KCTD1: variants seen among roughly 807,000 people sequenced by gnomAD.
KCTD1 encodes the protein BTB/POZ domain-containing protein KCTD1.
In KCTD1, 24 loss-of-function variants were observed where a neutral mutation model predicts 66.0. The observed-to-expected ratio is 0.36, with a 90% CI of 0.26 to 0.51. KCTD1 has a LOEUF of 0.51. Among genes scored for constraint, KCTD1 ranks in the 20% least tolerant of loss-of-function variants. KCTD1 has a pLI of 0.95. For synonymous variants in KCTD1, 511 were observed against 517.2 expected (o/e 0.99, Z 0.16); for missense variants, 943 against 1,205.2 (o/e 0.78, Z 3.22).
rs545461578 is a variant in KCTD1 at position 26,468,503 on chromosome 18, C to T, written c.2133+8012G>A. Among the ~76,000 whole-genome samples, 10 of 152,224 alleles carry T rather than the reference C, an allele frequency of 6.6e-5. No homozygotes were observed. The highest frequency in any genetic ancestry group is 1.9e-4 in the African/African-American group (8 of 41,536). ...GGTAATCAATAAACATTCTCCCTAA[C>T]AAACTTAGTGAAAGAGATTCTCTCC... On this transcript the variant is annotated intron_variant, in intron 3 of 4. Transcript: ENST00000580059. The surrounding 1 kb of genome is among the most constrained non-coding windows in gnomAD (Gnocchi z 4.8).
chr18:26,585,127 C>A (rs1237659942), intron 1 of KCTD1, among the ~76,000 whole-genome samples: 3 of 151,988 alleles, frequency 2.0e-5, no homozygotes, highest in African/African-American at 7.3e-5. Context: ...CTTTTGGGAG[C>A]CAAAGAGAAA....
chr18:26,653,334 T>C (rs539366060), intron 1 of KCTD1, among the ~76,000 whole-genome samples: 2 of 152,308 alleles, frequency 1.3e-5, no homozygotes, highest in Admixed American at 1.3e-4. Context: ...GTTCCTTCTT[T>C]TTTCTCCCTG....
chr18:26,503,450 G>C (rs1273682127), intron 1 of KCTD1, among the ~76,000 whole-genome samples: 1 of 152,058 alleles, frequency 6.6e-6, no homozygotes, highest in Admixed American at 6.6e-5. Flanking sequence ...ACTTTTAAGA[G>C]ATACGTACTG....
At chr18:26,535,778 A>G (rs1009360456) in intron 1 of KCTD1, among the ~76,000 whole-genome samples, 3 of 152,108 alleles carry the variant, frequency 2.0e-5, no homozygotes, top group Non-Finnish European at 4.4e-5. Flanking sequence ...TGGAGCTGGA[A>G]CCAGAACTTT....
intron 1 of KCTD1, among the ~76,000 whole-genome samples, chr18:26,619,939 C>T (rs968126671): frequency 1.3e-5 from 2 of 152,192 alleles, no homozygotes; most frequent in African/African-American, 2.4e-5. Context: ...CAGCCAAAAT[C>T]ATCCTAACTT....
intron 3 of KCTD1, among the ~76,000 whole-genome samples, chr18:26,473,850 A>G (rs1187957373): frequency 6.6e-6 from 1 of 152,204 alleles, no homozygotes; most frequent in Non-Finnish European, 1.5e-5. Flanking sequence ...CACTGGCTGC[A>G]GTTATTACAC....
At chr18:26,511,841 G>A (rs1983347978) in intron 1 of KCTD1, among the ~76,000 whole-genome samples, 1 of 152,094 alleles carries the variant, frequency 6.6e-6, no homozygotes, top group African/African-American at 2.4e-5. Context: ...CTGGCTGGAG[G>A]CTTAGAAGGA....
At chr18:26,654,994 G>A (rs972626692) in intron 1 of KCTD1, among the ~76,000 whole-genome samples, 2 of 152,184 alleles carry the variant, frequency 1.3e-5, no homozygotes, top group Non-Finnish European at 2.9e-5. Context: ...CATTATCCAG[G>A]AGACAAACGG....
chr18:26,577,459 C>T (rs181037912), intron 1 of KCTD1, among the ~76,000 whole-genome samples: 22 of 152,084 alleles, frequency 1.4e-4, no homozygotes, highest in African/African-American at 2.7e-4. Flanking sequence ...TAAATACAGG[C>T]GCTTATTGTG....
chr18:26,515,618 G>C (rs1336581975), intron 1 of KCTD1, among the ~76,000 whole-genome samples: 1 of 149,026 alleles, frequency 6.7e-6, no homozygotes, highest in East Asian at 2.0e-4. Context: ...CGATTTTCCT[G>C]CCTCAGCCTC....
chr18:26,626,264 G>C (rs1047694162), intron 1 of KCTD1, among the ~76,000 whole-genome samples: 3 of 152,034 alleles, frequency 2.0e-5, no homozygotes, highest in African/African-American at 7.3e-5. Context: ...TGCCAGCACT[G>C]TTCCAGAAAA....
intron 3 of KCTD1, among the ~76,000 whole-genome samples, chr18:26,462,298 A>G (rs565896294): frequency 6.6e-6 from 1 of 152,394 alleles, no homozygotes; most frequent in East Asian, 1.9e-4. Context: ...AGTGAGAGTC[A>G]GAAGCGCTCC....
chr18:26,470,263 G>A (rs145447877), intron 3 of KCTD1, among the ~76,000 whole-genome samples: 168 of 125,074 alleles, frequency 1.3e-3, no homozygotes, highest in African/African-American at 5.0e-3. Context: ...TTACTACAGA[G>A]GCTAAAAATA....
intron 2 of KCTD1, among the ~76,000 whole-genome samples, chr18:26,495,656 A>G (rs977968499): frequency 6.6e-6 from 1 of 152,052 alleles, no homozygotes; most frequent in African/African-American, 2.4e-5. Context: ...TAACTCATGT[A>G]CTGGGTTTAA....
At chr18:26,521,669 A>G (rs181050139) in intron 1 of KCTD1, among the ~76,000 whole-genome samples, 2 of 152,358 alleles carry the variant, frequency 1.3e-5, no homozygotes, top group Admixed American at 1.3e-4. Context: ...CTGTGGACTC[A>G]CAGTCCACAT....
At chr18:26,514,230 T>C (rs747040578) in intron 1 of KCTD1, among the ~76,000 whole-genome samples, 8 of 152,128 alleles carry the variant, frequency 5.3e-5, no homozygotes, top group Non-Finnish European at 7.3e-5. Context: ...CCAAAAGATA[T>C]ATTTGGTAAT....
chr18:26,601,815 G>A (rs1180923916), intron 1 of KCTD1, among the ~76,000 whole-genome samples: 1 of 152,018 alleles, frequency 6.6e-6, no homozygotes, highest in African/African-American at 2.4e-5. Flanking sequence ...TTCATTATTA[G>A]TGTATACAAT....
intron 1 of KCTD1, among the ~76,000 whole-genome samples, chr18:26,511,479 A>G (rs1278430978): frequency 6.6e-6 from 1 of 152,226 alleles, no homozygotes. Context: ...GTGTTTCCTG[A>G]AGTCGCCCTG....
chr18:26,613,614 A>C (rs574623120), intron 1 of KCTD1, among the ~76,000 whole-genome samples: 1 of 152,220 alleles, frequency 6.6e-6, no homozygotes, highest in Non-Finnish European at 1.5e-5. Context: ...GAAAGCTAAA[A>C]CATACACAAG....
Sources: allele counts gnomAD v4.1 joint callset (sites outside exome capture counted in the v4.1 genomes callset), GRCh38; gene constraint gnomAD v4.1.1; non-coding constraint Gnocchi (gnomAD v3.1); transcripts MANE v1.5; gene names NCBI Gene and HGNC (gene_info 2026-07-23, HGNC 2026-07-21).